RGS6: variants seen among roughly 807,000 people sequenced by gnomAD.
RGS6 encodes regulator of G protein signaling 6, also known as regulator of G-protein signaling 6.
RGS6 carries 30 observed loss-of-function variants against 78.5 expected under a neutral mutation model. That is an observed-to-expected ratio of 0.38 (90% CI 0.29 to 0.52). The LOEUF (loss-of-function observed/expected upper bound fraction) is 0.52. Ranked by LOEUF, RGS6 falls within the 20% of genes least tolerant of loss-of-function variation. RGS6 has a pLI of 0.85. For missense variants in RGS6, 495 were observed against 609.7 expected, an observed-to-expected ratio of 0.81 and a Z score of 1.98; for synonymous variants, 206 against 206.0, an observed-to-expected ratio of 1.00 and a Z score of 0.00.
chr14:72,491,075 A>G (rs551631323), intron 12 of RGS6, among the ~76,000 whole-genome samples: 1 of 152,358 alleles, frequency 6.6e-6, no homozygotes, highest in East Asian at 1.9e-4. Flanking sequence ...CCTGTTCAGC[A>G]TTAAGCTAAT....
At chr14:72,551,040 A>G (rs1366689482) in intron 17 of RGS6, among the ~76,000 whole-genome samples, 1 of 152,086 alleles carries the variant, frequency 6.6e-6, no homozygotes, top group Non-Finnish European at 1.5e-5. Context: ...GAGTTTCACC[A>G]TGTCAGCCAG....
chr14:72,045,332 A>G (rs1487808748), intron 2 of RGS6, among the ~76,000 whole-genome samples: 2 of 152,174 alleles, frequency 1.3e-5, no homozygotes, highest in African/African-American at 4.8e-5. Context: ...GCTGAAAATA[A>G]TGGATTGGGT....
intron 2 of RGS6, among the ~76,000 whole-genome samples, chr14:72,138,412 T>G (rs2153606542): frequency 6.7e-6 from 1 of 149,412 alleles, no homozygotes; most frequent in African/African-American, 2.5e-5. Flanking sequence ...TCCTTCCTGG[T>G]GGAAACTTGA....
rs185063128 is a variant in RGS6 at position 72,232,220 on chromosome 14, G to T, written c.85-119875G>T. 4.1e-3 allele frequency among the ~76,000 whole-genome samples: 622 copies of T among 152,346 alleles called. 3 individuals carry two copies. The highest frequency in any genetic ancestry group is 7.5e-3 in the Non-Finnish European group (511 of 68,030). ...ACCCTAGAGCAGCATGTCTGGAGGG[G>T]TCTGCTGTGTTGACATGGAACTTCT... On this transcript the variant is annotated intron_variant, in intron 2 of 17. Transcript: ENST00000553525.
At chr14:72,552,563 G>A (rs1021515696) in intron 17 of RGS6, 12 of 152,342 alleles carry the variant, frequency 7.9e-5, no homozygotes, top group African/African-American at 2.9e-4. Context: ...AGCCCTCCAT[G>A]TGACAGAAAC....
In RGS6 at chr14:71,972,344, G is replaced by GTT. The variant is rs10700484; in HGVS notation, c.84+7478_84+7479dup. Reference sequence around the variant, plus strand: ...TTCTACTAGCCAGGGGTTTCTGAGTGTTTTTTTTTTATAATTTCCCTGTAC... The same window carrying GTT: ...TTCTACTAGCCAGGGGTTTCTGAGTGTTTTTTTTTTTTATAATTTCCCTGTAC... On this transcript the variant is annotated intron_variant, in intron 2 of 17. Transcript: ENST00000553525. 2.5e-3 allele frequency among the ~76,000 whole-genome samples: 375 copies of GTT among 149,234 alleles called. 1 individual carries two copies. Among genetic ancestry groups the GTT allele is most frequent in the African/African-American group, 6.4e-3 (259 of 40,638 alleles).
intron 12 of RGS6, among the ~76,000 whole-genome samples, chr14:72,489,164 A>ACC (rs200005100): frequency 7.5e-5 from 11 of 146,506 alleles, no homozygotes; most frequent in South Asian, 4.4e-4. Context: ...GGGCCCCCCC[A>ACC]CCGGCTGTTT....
At chr14:72,058,620 T>G (rs1247520248) in intron 2 of RGS6, among the ~76,000 whole-genome samples, 1 of 152,172 alleles carries the variant, frequency 6.6e-6, no homozygotes, top group Non-Finnish European at 1.5e-5. Flanking sequence ...AAATTGAAGT[T>G]CAGAGAGATG....
chr14:72,493,721 G>A (rs534371392), intron 12 of RGS6, among the ~76,000 whole-genome samples: 24 of 151,728 alleles, frequency 1.6e-4, no homozygotes, highest in African/African-American at 4.8e-4. Context: ...ACCAAAGAAC[G>A]AGAATCAAAA....
At position 72,392,898 on chromosome 14, in the gene RGS6, G is replaced by C. The variant is rs143367449; in HGVS notation, c.184+40704G>C. On this transcript the variant is annotated intron_variant, in intron 3 of 17. Coordinates refer to ENST00000553525, the MANE Select transcript of RGS6 (RefSeq NM_001204424.2). The stretch of plus-strand genomic sequence containing the variant: ...CCGGGAAAAACTGAGATTTCCAGCA[G>C]GCAGAGATTGAGAAGCAGCAGCTAA... Among the ~76,000 whole-genome samples the C allele has an allele frequency of 5.9e-5, 9 of 152,314 alleles. No individual in the cohort carries two copies. In the East Asian group the frequency reaches 1.7e-3, roughly 29 times the overall value.
chr14:72,374,390 T>C (rs1332483935), intron 3 of RGS6, among the ~76,000 whole-genome samples: 1 of 152,188 alleles, frequency 6.6e-6, no homozygotes, highest in Admixed American at 6.5e-5. Context: ...GTTTCCAGCT[T>C]CATCCATGTC....
the RGS6 span, among the ~76,000 whole-genome samples, chr14:71,869,839 T>A: frequency 1.3e-5 from 2 of 152,174 alleles, no homozygotes; most frequent in Admixed American, 6.6e-5. Context: ...TCCACCCTCA[T>A]GAGTGGGATT....
intron 2 of RGS6, among the ~76,000 whole-genome samples, chr14:71,970,726 G>A (rs1267723407): frequency 1.3e-5 from 2 of 152,188 alleles, no homozygotes; most frequent in Non-Finnish European, 2.9e-5. Flanking sequence ...TGCTAGGAAT[G>A]CAAGATGAGA....
intron 3 of RGS6, among the ~76,000 whole-genome samples, chr14:72,436,394 T>G (rs2153188018): frequency 6.6e-6 from 1 of 152,324 alleles, no homozygotes; most frequent in African/African-American, 2.4e-5. Context: ...AGATAGGTAG[T>G]AAGCATGGAT....
At chr14:72,280,233 TG>T (rs1298714034) in intron 2 of RGS6, among the ~76,000 whole-genome samples, 1 of 151,992 alleles carries the variant, frequency 6.6e-6, no homozygotes, top group African/African-American at 2.4e-5. Flanking sequence ...ACCAGACAGT[TG>T]AAGTATTACC....
At chr14:72,245,097 G>A (rs528351587) in intron 2 of RGS6, among the ~76,000 whole-genome samples, 7 of 152,304 alleles carry the variant, frequency 4.6e-5, no homozygotes, top group Non-Finnish European at 5.9e-5. Context: ...GCGTTGGGGA[G>A]GAAAAACATC....
Position 72,562,433 on chromosome 14 carries a change from G to T in RGS6, c.1439G>T (p.Gly480Val). ...FTRSVGKSLA[G>V]KRLTGLMQSS ...TCTCTGCAGGGAAAGTCGCTGGCGG[G>T]CAAGCGCCTCACGGGCCTGATGCAG... Residue 480 changes from glycine (G) to valine (V), a missense_variant, in exon 18 of 18, where the codon GGC (glycine) becomes GTC (valine). Gly to Val is a moderately radical substitution (Grantham distance 109). Coordinates refer to ENST00000553525, the MANE Select transcript of RGS6 (RefSeq NM_001204424.2). The T allele has an allele frequency of 1.2e-6, 2 of 1,612,898 alleles. No individual in the cohort carries two copies. The highest frequency in any genetic ancestry group is 2.2e-5 in the South Asian group (2 of 91,088).
At chr14:72,465,224 GC>G (rs1180870364) in intron 6 of RGS6, among the ~76,000 whole-genome samples, 5 of 152,198 alleles carry the variant, frequency 3.3e-5, no homozygotes, top group African/African-American at 1.2e-4. Flanking sequence ...ATCCTAACGA[GC>G]CCAACCTTAC....
At chr14:72,584,886 T>C in the RGS6 span, among the ~76,000 whole-genome samples, 1 of 152,036 alleles carries the variant, frequency 6.6e-6, no homozygotes, top group African/African-American at 2.4e-5. Context: ...CAGGCAAGTA[T>C]AAGAGAGGCT....
Sources: gnomAD v4.1 joint callset for allele counts (sites outside exome capture counted in the v4.1 genomes callset) on GRCh38, gnomAD v4.1.1 for gene constraint, MANE v1.5 for transcripts, NCBI Gene and HGNC (gene_info 2026-07-23, HGNC 2026-07-21) for gene names.